Variants in GSE1 observed in about 807,000 individuals in gnomAD.
GSE1 encodes Gse1 coiled-coil protein.
In GSE1, 32 loss-of-function variants were observed where a neutral mutation model predicts 112.6. The observed-to-expected ratio is 0.28, with a 90% CI of 0.21 to 0.38. The LOEUF (loss-of-function observed/expected upper bound fraction) is 0.38, where lower values mean the gene tolerates loss of function less well. GSE1 is among the 10% of genes least tolerant of loss of function. GSE1 has a pLI of 1.00. For synonymous variants in GSE1, 1,115 were observed against 735.6 expected, an observed-to-expected ratio of 1.52 and a Z score of -8.35; for missense variants, 2,348 against 1,699.2, an observed-to-expected ratio of 1.38 and a Z score of -6.71.
At chr16:85,193,489 T>C (rs1227226911) in intron 1 of GSE1, among the ~76,000 whole-genome samples, 1 of 152,124 alleles carries the variant, frequency 6.6e-6, no homozygotes, top group Admixed American at 6.6e-5. Flanking sequence ...TGAGTTGGTC[T>C]CACCCTGTCG....
intron 1 of GSE1, 33 bp downstream of exon 1, chr16:85,613,431 C>A: frequency 1.3e-6 from 2 of 1,522,346 alleles, no homozygotes; most frequent in African/African-American, 1.4e-5. Context: ...GGGACGGGGT[C>A]CTCCCCCCTC....
intron 1 of GSE1, among the ~76,000 whole-genome samples, chr16:85,630,697 G>A (rs922644307): frequency 1.3e-5 from 2 of 152,200 alleles, no homozygotes; most frequent in South Asian, 2.1e-4. Flanking sequence ...CCTTCTGATC[G>A]GGTGCCATGG....
chr16:85,282,540 C>T (rs1277902346), intron 1 of GSE1, among the ~76,000 whole-genome samples: 3 of 152,166 alleles, frequency 2.0e-5, no homozygotes, highest in African/African-American at 7.2e-5. Flanking sequence ...AAGTCAGAGT[C>T]GCACAGGATC....
chr16:85,336,866 G>A (rs543680091), intron 1 of GSE1, among the ~76,000 whole-genome samples: 8 of 152,264 alleles, frequency 5.3e-5, no homozygotes, highest in African/African-American at 1.4e-4. Context: ...ACATTCACAC[G>A]TTCACACATA....
intron 1 of GSE1, among the ~76,000 whole-genome samples, chr16:85,630,779 A>G (rs531723426): frequency 6.6e-6 from 1 of 152,302 alleles, no homozygotes; most frequent in African/African-American, 2.4e-5. Context: ...AGTCCTGGAC[A>G]TGCTGCTCAA....
At chr16:85,213,048 A>T (rs1308947100) in intron 1 of GSE1, among the ~76,000 whole-genome samples, 1 of 152,130 alleles carries the variant, frequency 6.6e-6, no homozygotes, top group Non-Finnish European at 1.5e-5. Context: ...AGGTGGGCAG[A>T]TCATGAGGTC....
At chr16:85,443,734 T>C (rs2049437774) in intron 2 of GSE1, among the ~76,000 whole-genome samples, 1 of 152,202 alleles carries the variant, frequency 6.6e-6, no homozygotes, top group African/African-American at 2.4e-5. Flanking sequence ...CAGAGGGGCC[T>C]AGCGTTTGGC....
intron 1 of GSE1, among the ~76,000 whole-genome samples, chr16:85,590,152 G>A (rs770338933): frequency 6.6e-4 from 101 of 152,016 alleles, no homozygotes; most frequent in Non-Finnish European, 1.0e-3. Flanking sequence ...GATTGTGAGC[G>A]TGTGAGTGAA....
intron 1 of GSE1, among the ~76,000 whole-genome samples, chr16:85,613,637 G>A (rs940048745): frequency 6.6e-6 from 1 of 151,542 alleles, no homozygotes; most frequent in Non-Finnish European, 1.5e-5. Flanking sequence ...GGGGGCTCCG[G>A]GCTCAGGAGT....
chr16:85,460,122 C>G (rs2049932775), intron 2 of GSE1, among the ~76,000 whole-genome samples: 1 of 152,186 alleles, frequency 6.6e-6, no homozygotes, highest in Non-Finnish European at 1.5e-5. Flanking sequence ...TCTCCTGGCC[C>G]ACATCCCTTG....
At position 85,450,424 on chromosome 16, in the gene GSE1, C is replaced by T. The variant is rs568573273; in HGVS notation, c.2464+92781C>T. ...TGAGCCACCGTGCCCAGCCACCTTA[C>T]TGTTTTTTTATTTCTTTATTTTTTA... On this transcript the variant is annotated intron_variant, in intron 2 of 2. Coordinates refer to the GSE1 transcript ENST00000637419. Among the ~76,000 whole-genome samples the T allele has an allele frequency of 7.3e-5, 11 of 150,894 alleles. No individual in the cohort carries two copies. The South Asian group carries it at 1.3e-3, about 17-fold the overall frequency.
At chr16:85,264,478 C>T (rs955833745) in intron 1 of GSE1, among the ~76,000 whole-genome samples, 1 of 152,110 alleles carries the variant, frequency 6.6e-6, no homozygotes, top group African/African-American at 2.4e-5. Flanking sequence ...ATTCCCCCAG[C>T]ATCACCGCCT....
Position 85,518,365 on chromosome 16 carries a change from C to T in GSE1, c.2465-115549C>T, listed in dbSNP as rs187748600. 6.6e-5 allele frequency among the ~76,000 whole-genome samples: 10 copies of T among 152,274 alleles called. No individual in the cohort carries two copies. In the South Asian group the frequency reaches 1.2e-3, roughly 19 times the overall value. On this transcript the variant is annotated intron_variant, in intron 2 of 2. Transcript: ENST00000637419. ...GAGCCACAGGACGGTGCCCTGACCG[C>T]GTGGCCGGAACCGTCCTGTGTGCTG... is the stretch of plus-strand genomic sequence containing the variant.
chr16:85,456,579 C>CGGGTGTGTGTGT (rs2049831561), intron 2 of GSE1, among the ~76,000 whole-genome samples: 1 of 91,476 alleles, frequency 1.1e-5, no homozygotes, highest in Non-Finnish European at 2.3e-5. Flanking sequence ...ATTTTCCTGC[C>CGGGTGTGTGTGT]GTGTGTGTGT....
intron 2 of GSE1, among the ~76,000 whole-genome samples, chr16:85,481,083 C>T (rs897861150): frequency 5.9e-5 from 9 of 152,206 alleles, no homozygotes; most frequent in African/African-American, 1.9e-4. Flanking sequence ...TTTCTCCAAC[C>T]GGCCCTGACA....
At chr16:85,644,688 C>A (rs2050710836) in intron 2 of GSE1, among the ~76,000 whole-genome samples, 2 of 152,000 alleles carry the variant, frequency 1.3e-5, no homozygotes, top group Non-Finnish European at 2.9e-5. Context: ...TAGGGGGTTC[C>A]TTTTGGGGTG....
intron 2 of GSE1, among the ~76,000 whole-genome samples, chr16:85,379,868 C>A (rs1194879745): frequency 6.6e-6 from 1 of 152,210 alleles, no homozygotes; most frequent in Non-Finnish European, 1.5e-5. Flanking sequence ...AAAGAGAAGA[C>A]CTTTGCTGGT....
Position 85,661,330 on chromosome 16 carries a change from C to T in GSE1, c.1825C>T (p.Pro609Ser). The change falls in exon 9 of 16, where the codon CCG becomes TCG. Residue 609 changes from proline to serine, a missense_variant. Pro to Ser is a moderately conservative substitution (Grantham distance 74, BLOSUM62 -1). Coordinates refer to ENST00000253458, the MANE Select transcript of GSE1 (RefSeq NM_014615.5). ...RAESHSLHSHPAAFEPSRQAA... is the reference protein window; with the variant it reads ...RAESHSLHSHSAAFEPSRQAA... Reference sequence around the variant, plus strand: ...CGAAAGCCACTCTCTGCACAGCCACCCGGCTGCATTTGAGCCCAGCCGCCA... The same window carrying T: ...CGAAAGCCACTCTCTGCACAGCCACTCGGCTGCATTTGAGCCCAGCCGCCA... 9 of 1,612,338 alleles carry T rather than the reference C, an allele frequency of 5.6e-6. No homozygotes were observed. Among genetic ancestry groups the T allele is most frequent in the Non-Finnish European group, 6.8e-6 (8 of 1,179,648 alleles).
chr16:85,610,420 C>G (rs1043771811), upstream of GSE1, among the ~76,000 whole-genome samples: 1 of 152,198 alleles, frequency 6.6e-6, no homozygotes, highest in East Asian at 1.9e-4. Context: ...GGAGGAGGAG[C>G]AGGCCTGGAG....
Sources: allele counts gnomAD v4.1 joint callset (sites outside exome capture counted in the v4.1 genomes callset), GRCh38; gene constraint gnomAD v4.1.1; transcripts MANE v1.5; gene names NCBI Gene and HGNC (gene_info 2026-07-23, HGNC 2026-07-21).